Variants in PARD3B observed in about 807,000 individuals in gnomAD.
PARD3B encodes the protein partitioning defective 3 homolog B.
A neutral mutation model predicts 130.2 loss-of-function variants in PARD3B; 103 were observed. The ratio of observed to expected loss-of-function variants is 0.79; its 90% CI spans 0.67 to 0.93. The LOEUF is 0.93. Among genes scored for constraint, PARD3B ranks in the 40% least tolerant of loss-of-function variants. The pLI is 0.00. For synonymous variants in PARD3B, 583 were observed against 553.2 expected (o/e 1.05, Z -0.76); for missense variants, 1,609 against 1,499.2 (o/e 1.07, Z -1.21).
At position 205,341,747 on chromosome 2, in the gene PARD3B, A is replaced by T. The variant is rs1559680941; in HGVS notation, c.2630+40046A>T. On this transcript the variant is annotated intron_variant, in intron 18 of 22. Coordinates refer to ENST00000406610, the MANE Select transcript of PARD3B (RefSeq NM_001302769.2). The surrounding 1 kb of genome is among the most constrained non-coding windows in gnomAD (Gnocchi z 4.3). Reference sequence around the variant, plus strand: ...ATTTTGAATGTTCCCAACACGAAGAAATGATGCATGTTTGAAATGATGGAT... The same window carrying T: ...ATTTTGAATGTTCCCAACACGAAGATATGATGCATGTTTGAAATGATGGAT... Among the ~76,000 whole-genome samples the T allele has an allele frequency of 6.6e-6, 1 of 152,104 alleles. No homozygotes were observed. The highest frequency in any genetic ancestry group is 1.5e-5 in the Non-Finnish European group (1 of 67,988).
intron 14 of PARD3B, among the ~76,000 whole-genome samples, chr2:205,190,752 C>T (rs1463484010): frequency 1.3e-5 from 2 of 152,108 alleles, no homozygotes; most frequent in Non-Finnish European, 2.9e-5. Context: ...GACACTAAAC[C>T]CACATCATCA....
At chr2:204,880,765 A>G (rs375930346) in intron 2 of PARD3B, among the ~76,000 whole-genome samples, 1 of 152,032 alleles carries the variant, frequency 6.6e-6, no homozygotes, top group South Asian at 2.1e-4. Flanking sequence ...TTTTGCATGG[A>G]CAGGATATCT....
rs1429165306 is a variant in PARD3B, at chr2:204,606,694, G to C, written c.120+60575G>C. Reference sequence around the variant, plus strand: ...ACGCACTGGTCTCATTACCTATTCCGGTAAGATTCTTCTAGGTTAATATGC... The same window carrying C: ...ACGCACTGGTCTCATTACCTATTCCCGTAAGATTCTTCTAGGTTAATATGC... On this transcript the variant is annotated intron_variant, in intron 1 of 22. Coordinates refer to ENST00000406610, the MANE Select transcript of PARD3B (RefSeq NM_001302769.2). The surrounding 1 kb of genome is among the most constrained non-coding windows in gnomAD (Gnocchi z 4.0). Among the ~76,000 whole-genome samples, 1 of 152,042 alleles carries C rather than the reference G, an allele frequency of 6.6e-6. No individual in the cohort carries two copies. Among genetic ancestry groups the C allele is most frequent in the Non-Finnish European group, 1.5e-5 (1 of 68,006 alleles).
chr2:205,250,239 T>G (rs571966144), intron 16 of PARD3B, among the ~76,000 whole-genome samples: 3 of 152,142 alleles, frequency 2.0e-5, no homozygotes, highest in Middle Eastern at 6.8e-3. Flanking sequence ...TTCTTTTTTT[T>G]TTGTTTTGAT....
chr2:205,190,615 C>T (rs1049114937), intron 14 of PARD3B, among the ~76,000 whole-genome samples: 2 of 152,160 alleles, frequency 1.3e-5, no homozygotes, highest in African/African-American at 4.8e-5. Context: ...TGCCCCTGGC[C>T]AGCTGTGTGA....
chr2:205,167,286 G>A (rs2034874460), intron 11 of PARD3B, among the ~76,000 whole-genome samples: 1 of 152,090 alleles, frequency 6.6e-6, no homozygotes, highest in South Asian at 2.1e-4. Flanking sequence ...ACATGGAGTA[G>A]CCTACAGCAT....
chr2:205,423,780 C>T (rs2047053696), intron 19 of PARD3B, among the ~76,000 whole-genome samples: 1 of 152,144 alleles, frequency 6.6e-6, no homozygotes, highest in East Asian at 1.9e-4. Context: ...AGGATCGTGT[C>T]CTTTGCAAGG....
chr2:205,514,848 T>TTC (rs2050728860), intron 21 of PARD3B, among the ~76,000 whole-genome samples: 2 of 135,668 alleles, frequency 1.5e-5, no homozygotes, highest in Admixed American at 1.5e-4. Flanking sequence ...TTTTTTTTTT[T>TTC]ACTTTAAGGT....
At chr2:204,730,838 G>C (rs1336600319) in intron 2 of PARD3B, among the ~76,000 whole-genome samples, 4 of 152,112 alleles carry the variant, frequency 2.6e-5, no homozygotes, top group Non-Finnish European at 4.4e-5. Flanking sequence ...CTTTATCTGT[G>C]CCATCTGGTG....
In PARD3B at chr2:204,939,957, C is replaced by T. The variant is rs115735882; in HGVS notation, c.223-25195C>T. ...ACTGATATCTCCTGATAAGAGCATA[C>T]CTGCTATTTTACTGTAGAAACAAAT... On this transcript the variant is annotated intron_variant, in intron 2 of 22. Coordinates refer to ENST00000406610, the MANE Select transcript of PARD3B (RefSeq NM_001302769.2). 8.5e-3 allele frequency among the ~76,000 whole-genome samples: 1,287 copies of T among 152,230 alleles called. 21 individuals are homozygous for T. Among genetic ancestry groups the T allele is most frequent in the African/African-American group, 0.03 (1,226 of 41,532 alleles).
intron 21 of PARD3B, among the ~76,000 whole-genome samples, chr2:205,510,995 G>A (rs989826391): frequency 1.3e-5 from 2 of 152,064 alleles, no homozygotes; most frequent in Non-Finnish European, 2.9e-5. Context: ...ACTGACTCCC[G>A]GTGAAAAGAG....
chr2:205,256,256 T>A (rs2040079024), intron 16 of PARD3B, among the ~76,000 whole-genome samples: 1 of 152,102 alleles, frequency 6.6e-6, no homozygotes, highest in Non-Finnish European at 1.5e-5. Flanking sequence ...AAATCCAGCT[T>A]TTTTTCATAC....
chr2:205,562,435 A>C lies in PARD3B; in HGVS notation c.3260+9032A>C, dbSNP rs2053170943. Among the ~76,000 whole-genome samples, 1 of 152,206 alleles carries C rather than the reference A, an allele frequency of 6.6e-6. No individual in the cohort carries two copies. The highest frequency in any genetic ancestry group is 2.4e-5 in the African/African-American group (1 of 41,454). ...CTTTTTCCCTCATTTTCCATAGAAA[A>C]TTCCAAACTGCTACACATTTGTTGG... On this transcript the variant is annotated intron_variant, in intron 22 of 22. Coordinates refer to ENST00000406610, the MANE Select transcript of PARD3B (RefSeq NM_001302769.2). This position sits in a 1 kb window ranked among gnomAD's most constrained non-coding sequence, Gnocchi z 5.4.
At chr2:205,247,494 C>T (rs538223387) in intron 16 of PARD3B, among the ~76,000 whole-genome samples, 6 of 152,302 alleles carry the variant, frequency 3.9e-5, no homozygotes, top group Admixed American at 2.6e-4. Flanking sequence ...AAATTCCATA[C>T]AGCAACTTCA....
chr2:205,208,435 G>A (rs1356619082), intron 15 of PARD3B, among the ~76,000 whole-genome samples: 2 of 144,372 alleles, frequency 1.4e-5, no homozygotes, highest in African/African-American at 5.4e-5. Context: ...AATTGTCCCT[G>A]TTTGCAGATG....
Position 205,021,528 on chromosome 2 carries a change from A to T in PARD3B, c.395-26053A>T, listed in dbSNP as rs1696593777. Among the ~76,000 whole-genome samples the T allele has an allele frequency of 6.6e-6, 1 of 151,652 alleles. No individual in the cohort carries two copies. On this transcript the variant is annotated intron_variant, in intron 3 of 22. Coordinates refer to ENST00000406610, the MANE Select transcript of PARD3B (RefSeq NM_001302769.2). This position sits in a 1 kb window ranked among gnomAD's most constrained non-coding sequence, Gnocchi z 4.5. ...GCAAAGTGGAACCAGAGTATATTGC[A>T]GTTTCACAAGCAGGAGGTAATAGCA...
chr2:205,098,475 A>G (rs1267690135), intron 4 of PARD3B, among the ~76,000 whole-genome samples: 1 of 152,164 alleles, frequency 6.6e-6, no homozygotes, highest in Non-Finnish European at 1.5e-5. Flanking sequence ...GAGCAATAAA[A>G]CTACTTTTAA....
intron 21 of PARD3B, among the ~76,000 whole-genome samples, chr2:205,505,390 AAAAATAAAAT>A (rs4044520): frequency 6.6e-6 from 1 of 150,502 alleles, no homozygotes; most frequent in Non-Finnish European, 1.5e-5. Flanking sequence ...TAAATAATAA[AAAAATAAAAT>A]AAAATAAAAT....
chr2:205,420,117 C>G (rs537906590), intron 19 of PARD3B, among the ~76,000 whole-genome samples: 28 of 152,314 alleles, frequency 1.8e-4, no homozygotes, highest in African/African-American at 6.3e-4. Flanking sequence ...TTAAAAGTAT[C>G]TACTCTCTGT....
Sources: allele counts gnomAD v4.1 joint callset (sites outside exome capture counted in the v4.1 genomes callset), GRCh38; gene constraint gnomAD v4.1.1; non-coding constraint Gnocchi (gnomAD v3.1); transcripts MANE v1.5; gene names NCBI Gene and HGNC (gene_info 2026-07-23, HGNC 2026-07-21).